BICD2: variants seen among roughly 807,000 people sequenced by gnomAD.
BICD2 encodes protein bicaudal D homolog 2.
Under a neutral mutation model 72.9 loss-of-function variants are expected in BICD2, and 25 were observed. That is an observed-to-expected ratio of 0.34 (90% CI 0.25 to 0.48). BICD2 has a LOEUF of 0.48. Ranked by LOEUF, BICD2 falls within the 20% of genes least tolerant of loss-of-function variation. The pLI is 0.99. For synonymous variants in BICD2, 501 were observed against 516.1 expected (o/e 0.97, Z 0.40); for missense variants, 894 against 1,175.2 (o/e 0.76, Z 3.50).
At chr9:92,762,893 GA>G (rs1854400296) in intron 1 of BICD2, among the ~76,000 whole-genome samples, 1 of 152,166 alleles carries the variant, frequency 6.6e-6, no homozygotes, top group African/African-American at 2.4e-5. Context: ...GCCTGCTGGA[GA>G]GGGTGAGCCC....
chr9:92,741,996 T>C (rs930371861), intron 1 of BICD2, among the ~76,000 whole-genome samples: 2 of 152,100 alleles, frequency 1.3e-5, no homozygotes, highest in Non-Finnish European at 2.9e-5. Flanking sequence ...CCCCCAGATA[T>C]TAACTTAACT....
At chr9:92,738,535 G>A (rs1853834143) in intron 1 of BICD2, among the ~76,000 whole-genome samples, 1 of 152,232 alleles carries the variant, frequency 6.6e-6, no homozygotes, top group Non-Finnish European at 1.5e-5. Context: ...TCTCAAGAGA[G>A]AATGTGGATA....
At chr9:92,759,776 A>C (rs1041088003) in intron 1 of BICD2, among the ~76,000 whole-genome samples, 6 of 152,212 alleles carry the variant, frequency 3.9e-5, no homozygotes, top group African/African-American at 7.2e-5. Flanking sequence ...AGAAGAAACC[A>C]AATCTTTCTT....
intron 1 of BICD2, among the ~76,000 whole-genome samples, chr9:92,730,621 T>C (rs1235602797): frequency 1.3e-5 from 2 of 152,180 alleles, no homozygotes; most frequent in East Asian, 3.9e-4. Context: ...ACACATGTGC[T>C]ATGGCAGGTG....
In BICD2 at chr9:92,719,202, G is replaced by A; in HGVS notation, c.1443C>T (p.Leu481=). The change falls in exon 5 of 7, where the codon CTC becomes CTT. Residue 481 remains leucine, a synonymous_variant. Transcript: ENST00000356884. The stretch of plus-strand genomic sequence containing the variant: ...TCTCTAGCAGGGAGACCTTCTCCGT[G>A]AGTGCCTGGCCCTCAGCCTCATAGC... ...KGRYEAEGQA[L]TEKVSLLEKA... 6.2e-7 allele frequency: 1 copy of A among 1,610,896 alleles called. No homozygotes were observed. Among genetic ancestry groups the A allele is most frequent in the Non-Finnish European group, 8.5e-7 (1 of 1,179,984 alleles).
intron 2 of BICD2, among the ~76,000 whole-genome samples, chr9:92,726,028 G>A (rs1853560631): frequency 6.6e-6 from 1 of 152,216 alleles, no homozygotes; most frequent in African/African-American, 2.4e-5. Context: ...GGCCCAGGCA[G>A]GAAAGATGCT....
At chr9:92,758,187 G>A (rs1275414213) in intron 1 of BICD2, among the ~76,000 whole-genome samples, 1 of 148,828 alleles carries the variant, frequency 6.7e-6, no homozygotes, top group Non-Finnish European at 1.5e-5. Flanking sequence ...CTGGGCAACA[G>A]AGCTAGACTC....
chr9:92,744,145 G>A (rs1292375628), intron 1 of BICD2, among the ~76,000 whole-genome samples: 2 of 152,188 alleles, frequency 1.3e-5, no homozygotes, highest in African/African-American at 4.8e-5. Context: ...AACAACCCCA[G>A]GGTCGGTCTA....
Position 92,714,760 on chromosome 9 carries a change from G to A in BICD2, c.*394C>T, listed in dbSNP as rs1390028916. On this transcript the variant is annotated 3_prime_UTR_variant, in exon 7 of 7. Transcript: ENST00000356884. Reference sequence around the variant, plus strand: ...AGTGCTGACATTAGACACATGCGAGGAACATGCAAGTCTCAACTCAGGTTC... The same window carrying A: ...AGTGCTGACATTAGACACATGCGAGAAACATGCAAGTCTCAACTCAGGTTC... 2 of 1,018,228 alleles carry A rather than the reference G, an allele frequency of 2.0e-6. No homozygotes were observed. Among genetic ancestry groups the A allele is most frequent in the Non-Finnish European group, 2.3e-6 (2 of 852,184 alleles). 63.1% of individuals were successfully genotyped at this position (1,018,228 alleles called of 1,614,324 possible).
intron 1 of BICD2, among the ~76,000 whole-genome samples, chr9:92,763,661 C>T (rs1854417703): frequency 6.6e-6 from 1 of 152,170 alleles, no homozygotes; most frequent in South Asian, 2.1e-4. Flanking sequence ...CTCCCGCTGC[C>T]CTGCCGCCTG....
intron 2 of BICD2, among the ~76,000 whole-genome samples, chr9:92,727,064 G>A (rs769400409): frequency 3.9e-5 from 6 of 152,202 alleles, no homozygotes; most frequent in East Asian, 1.9e-4. Context: ...TCCTCCCACC[G>A]ACCAGAGGGC....
intron 1 of BICD2, among the ~76,000 whole-genome samples, chr9:92,745,633 G>T (rs1422819181): frequency 6.6e-6 from 1 of 152,180 alleles, no homozygotes; most frequent in African/African-American, 2.4e-5. Flanking sequence ...TGGGTGCCCA[G>T]GGGAGGGAGG....
chr9:92,760,004 T>C (rs1441873203), intron 1 of BICD2, among the ~76,000 whole-genome samples: 1 of 152,172 alleles, frequency 6.6e-6, no homozygotes, highest in Admixed American at 6.5e-5. Context: ...CTCCCTGACC[T>C]TGGGGGCTCA....
rs1399155854 is a variant in BICD2, at chr9:92,717,849, G to A, written c.2206C>T (p.Leu736Phe). The change falls in exon 6 of 7, where the codon CTC becomes TTC. Residue 736 changes from leucine (L) to phenylalanine (F), a missense_variant. By Grantham distance (22) the Leu-to-Phe change is conservative (BLOSUM62 0). Around this residue, in one of 5 missense-constraint regions of BICD2, gnomAD observed 321 missense variants for 443.9 expected, o/e 0.72. Transcript: ENST00000356884. ...MMKLRNELKA[L>F]KEDAATFSSL... ...GAGAAGGTGGCTGCGTCCTCCTTGAGGGCCTTGAGCTCATTGCGCAGCTTC... is the reference window on the plus strand; with the variant it reads ...GAGAAGGTGGCTGCGTCCTCCTTGAAGGCCTTGAGCTCATTGCGCAGCTTC... 1.2e-6 allele frequency: 2 copies of A among 1,612,762 alleles called. No individual in the cohort carries two copies. The highest frequency in any genetic ancestry group is 1.7e-6 in the Non-Finnish European group (2 of 1,179,958).
intron 2 of BICD2, among the ~76,000 whole-genome samples, chr9:92,727,454 A>G: frequency 6.6e-6 from 1 of 152,190 alleles, no homozygotes; most frequent in East Asian, 1.9e-4. Context: ...GGCCAGGACT[A>G]AAGATAAGGC....
At position 92,740,934 on chromosome 9, in the gene BICD2, G is replaced by A. The variant is rs527341444; in HGVS notation, c.241-11698C>T. ...ACTGACCCAGGGAGTGCATGCCCAG[G>A]AGGGAGTCTGGGTGCTGTGTAGCAC... On this transcript the variant is annotated intron_variant, in intron 1 of 6. Coordinates refer to ENST00000356884, the MANE Select transcript of BICD2 (RefSeq NM_001003800.2). Among the ~76,000 whole-genome samples the A allele has an allele frequency of 2.0e-5, 3 of 152,344 alleles. No individual in the cohort carries two copies. In the South Asian group the frequency reaches 6.2e-4, roughly 32 times the overall value.
At chr9:92,739,935 C>T (rs1460531056) in intron 1 of BICD2, among the ~76,000 whole-genome samples, 1 of 152,170 alleles carries the variant, frequency 6.6e-6, no homozygotes, top group Non-Finnish European at 1.5e-5. Context: ...GACCAAGTGG[C>T]ATCAAGCCTT....
chr9:92,727,192 A>T (rs1247890079), intron 2 of BICD2, among the ~76,000 whole-genome samples: 1 of 151,888 alleles, frequency 6.6e-6, no homozygotes, highest in Non-Finnish European at 1.5e-5. Flanking sequence ...CTGACCCCTC[A>T]CTCCGCTGCT....
In BICD2 at chr9:92,715,772, T is replaced by C. The variant is rs181465353; in HGVS notation, c.2259-309A>G. On this transcript the variant is annotated intron_variant, in intron 6 of 6. Coordinates refer to ENST00000356884, the MANE Select transcript of BICD2 (RefSeq NM_001003800.2). ...GCTTTGCTCTTTCAGCTGCATGTAG[T>C]GCTTACAAACAGGCTATGCCCCTCA... 8.5e-5 allele frequency among the ~76,000 whole-genome samples: 13 copies of C among 152,330 alleles called. No homozygotes were observed. The East Asian group carries it at 2.5e-3, about 29-fold the overall frequency.
Sources: gnomAD v4.1 joint callset for allele counts (sites outside exome capture counted in the v4.1 genomes callset) on GRCh38, gnomAD v4.1.1 for gene constraint, gnomAD v4.1.1 regional missense constraint, MANE v1.5 for transcripts, NCBI Gene and HGNC (gene_info 2026-07-23, HGNC 2026-07-21) for gene names.